The following CAMTA1 variants were observed in gnomAD, a reference collection of about 807,000 sequenced individuals.
CAMTA1 encodes the protein calmodulin binding transcription activator 1.
Under a neutral mutation model 170.9 loss-of-function variants are expected in CAMTA1, and 27 were observed. The ratio of observed to expected loss-of-function variants is 0.16; its 90% CI spans 0.12 to 0.22. The LOEUF is 0.22. CAMTA1 is among the 10% of genes least tolerant of loss of function. CAMTA1 has a pLI of 1.00. For synonymous variants in CAMTA1, 833 were observed against 891.5 expected, an observed-to-expected ratio of 0.93 and a Z score of 1.17; for missense variants, 1,619 against 2,217.2, an observed-to-expected ratio of 0.73 and a Z score of 5.42.
intron 6 of CAMTA1, among the ~76,000 whole-genome samples, chr1:7,627,311 G>T (rs2095640186): frequency 6.6e-6 from 1 of 152,194 alleles, no homozygotes; most frequent in African/African-American, 2.4e-5. Flanking sequence ...CTATCTCAAA[G>T]AATCACGCTT....
intron 3 of CAMTA1, among the ~76,000 whole-genome samples, chr1:7,012,560 CT>C (rs1341902073): frequency 6.6e-6 from 1 of 152,208 alleles, no homozygotes; most frequent in Non-Finnish European, 1.5e-5. Context: ...TGCAGGCAGA[CT>C]CTTGGAGAGC....
intron 6 of CAMTA1, among the ~76,000 whole-genome samples, chr1:7,636,168 T>C (rs1576517280): frequency 6.6e-6 from 1 of 150,814 alleles, no homozygotes; most frequent in East Asian, 1.9e-4. Flanking sequence ...ACCCCCGGTG[T>C]TGGGCAGGTG....
chr1:7,470,611 G>T (rs529010383), intron 6 of CAMTA1, among the ~76,000 whole-genome samples: 13 of 152,292 alleles, frequency 8.5e-5, no homozygotes, highest in Admixed American at 8.5e-4. Flanking sequence ...TGATGGGCTG[G>T]CCATGCTCTC....
chr1:6,803,028 C>T (rs909249601), intron 1 of CAMTA1, among the ~76,000 whole-genome samples: 1 of 152,218 alleles, frequency 6.6e-6, no homozygotes, highest in South Asian at 2.1e-4. Flanking sequence ...GGATTACAGG[C>T]GTGAGCCACC....
chr1:7,157,564 TG>T (rs894553115), intron 4 of CAMTA1, among the ~76,000 whole-genome samples: 1 of 152,082 alleles, frequency 6.6e-6, no homozygotes, highest in Non-Finnish European at 1.5e-5. Flanking sequence ...GGCAAGGTTG[TG>T]GAACAACAGG....
rs1358206757 is a variant in CAMTA1 at position 7,642,675 on chromosome 1, A to G, written c.664+2122A>G. Among the ~76,000 whole-genome samples, 2 of 152,098 alleles carry G rather than the reference A, an allele frequency of 1.3e-5. No individual in the cohort carries two copies. ...GTGCCCCCTGGCCAGGGCGGTAGAA[A>G]GAGTCAGGGCTGGCAAGTCAGGAGG... is the stretch of plus-strand genomic sequence containing the variant. On this transcript the variant is annotated intron_variant, in intron 7 of 22. Transcript: ENST00000303635. This position sits in a 1 kb window ranked among gnomAD's most constrained non-coding sequence, Gnocchi z 6.3.
chr1:7,138,893 G>A (rs1189547122), intron 4 of CAMTA1, among the ~76,000 whole-genome samples: 1 of 151,414 alleles, frequency 6.6e-6, no homozygotes, highest in Non-Finnish European at 1.5e-5. Context: ...TACTCAGTAG[G>A]CTGAGGCAGG....
At position 6,938,004 on chromosome 1, in the gene CAMTA1, C is replaced by G. The variant is rs573839962; in HGVS notation, c.234+112794C>G. Among the ~76,000 whole-genome samples the G allele has an allele frequency of 2.0e-5, 3 of 152,332 alleles. No homozygotes were observed. The South Asian group carries it at 6.2e-4, about 32-fold the overall frequency. On this transcript the variant is annotated intron_variant, in intron 3 of 22. Coordinates refer to ENST00000303635, the MANE Select transcript of CAMTA1 (RefSeq NM_015215.4). ...GGTCATCTCCTTTAATCTCAGGGGGCAGATATTCTGCCTGTTTTACAGATG... is the reference window on the plus strand; with the variant it reads ...GGTCATCTCCTTTAATCTCAGGGGGGAGATATTCTGCCTGTTTTACAGATG...
At chr1:7,375,525 G>A (rs1416165889) in intron 5 of CAMTA1, among the ~76,000 whole-genome samples, 3 of 152,160 alleles carry the variant, frequency 2.0e-5, no homozygotes, top group African/African-American at 7.2e-5. Flanking sequence ...GGCAGAGAAA[G>A]GAAAAAATGC....
chr1:6,925,068 G>A (rs1028186276), intron 3 of CAMTA1, among the ~76,000 whole-genome samples: 1 of 152,244 alleles, frequency 6.6e-6, no homozygotes, highest in African/African-American at 2.4e-5. Flanking sequence ...GCTGCTGCCA[G>A]TGACTGGGCC....
Position 7,592,452 on chromosome 1 carries a change from C to T in CAMTA1, c.511-47948C>T, listed in dbSNP as rs1049112183. Among the ~76,000 whole-genome samples, 9 of 152,134 alleles carry T rather than the reference C, an allele frequency of 5.9e-5. No individual in the cohort carries two copies. The highest frequency in any genetic ancestry group is 2.6e-4 in the Admixed American group (4 of 15,262). On this transcript the variant is annotated intron_variant, in intron 6 of 22. Transcript: ENST00000303635. The surrounding 1 kb of genome is among the most constrained non-coding windows in gnomAD (Gnocchi z 4.6). ...TCCTAACAGGAACAGGACAGATATTCATGGAGTGATTGAATTGGTGATGAT... is the reference window on the plus strand; with the variant it reads ...TCCTAACAGGAACAGGACAGATATTTATGGAGTGATTGAATTGGTGATGAT...
intron 3 of CAMTA1, among the ~76,000 whole-genome samples, chr1:7,081,819 C>G (rs1262302215): frequency 6.6e-6 from 1 of 152,212 alleles, no homozygotes; most frequent in African/African-American, 2.4e-5. Context: ...CTGGAAATCC[C>G]TGACCTTCAA....
At chr1:7,656,011 G>T (rs1422412047) in intron 7 of CAMTA1, among the ~76,000 whole-genome samples, 1 of 152,198 alleles carries the variant, frequency 6.6e-6, no homozygotes, top group Non-Finnish European at 1.5e-5. Flanking sequence ...GGGTTTCTGG[G>T]AATGGATTCT....
chr1:7,731,134 C>T (rs747895140), intron 11 of CAMTA1, among the ~76,000 whole-genome samples: 3 of 151,988 alleles, frequency 2.0e-5, no homozygotes, highest in Non-Finnish European at 4.4e-5. Flanking sequence ...TGTGGAGAGA[C>T]GTGTTCTAAT....
rs77929501 is a variant in CAMTA1 at position 7,247,858 on chromosome 1, A to G, written c.303-1633A>G. ...CCATTTAGAAATGGAAGTGAATTGT[A>G]AGGTTTCCAATGCAGACTTGTAAGC... On this transcript the variant is annotated intron_variant, in intron 4 of 22. Transcript: ENST00000303635. Among the ~76,000 whole-genome samples, 1,144 of 152,306 alleles carry G rather than the reference A, an allele frequency of 7.5e-3. 13 individuals carry two copies. The highest frequency in any genetic ancestry group is 0.025 in the African/African-American group (1,049 of 41,572).
At chr1:7,460,966 C>G (rs924698429) in intron 5 of CAMTA1, among the ~76,000 whole-genome samples, 2 of 152,174 alleles carry the variant, frequency 1.3e-5, no homozygotes, top group Non-Finnish European at 2.9e-5. Flanking sequence ...TCTCTGACCC[C>G]TACCGGTGGC....
chr1:6,968,178 G>C (rs926777381), intron 3 of CAMTA1, among the ~76,000 whole-genome samples: 1 of 152,204 alleles, frequency 6.6e-6, no homozygotes, highest in Non-Finnish European at 1.5e-5. Context: ...GCAGTCGGCT[G>C]TCCGCTTGGT....
chr1:6,881,285 T>C (rs1447653540), intron 3 of CAMTA1, among the ~76,000 whole-genome samples: 1 of 152,212 alleles, frequency 6.6e-6, no homozygotes, highest in African/African-American at 2.4e-5. Context: ...GTGAGAGGGT[T>C]CTTGCATGTC....
chr1:7,167,402 C>T (rs982150819), intron 4 of CAMTA1, among the ~76,000 whole-genome samples: 1 of 152,012 alleles, frequency 6.6e-6, no homozygotes, highest in African/African-American at 2.4e-5. Flanking sequence ...GCTGCCTGTG[C>T]GTAGATCTGT....
Sources: allele counts gnomAD v4.1 joint callset (sites outside exome capture counted in the v4.1 genomes callset), GRCh38; gene constraint gnomAD v4.1.1; non-coding constraint Gnocchi (gnomAD v3.1); transcripts MANE v1.5; gene names NCBI Gene and HGNC (gene_info 2026-07-23, HGNC 2026-07-21).